VAT1L: variants seen among roughly 807,000 people sequenced by gnomAD.
VAT1L encodes the protein putative NADPH-dependent quinone oxidoreductase VAT1L.
A neutral mutation model predicts 44.1 loss-of-function variants in VAT1L; 34 were observed. The ratio of observed to expected loss-of-function variants is 0.77; its 90% confidence interval spans 0.59 to 1.03. The LOEUF (loss-of-function observed/expected upper bound fraction) is 1.03. Among genes scored for constraint, VAT1L ranks in the 50% least tolerant of loss-of-function variants. The pLI is 0.00. For synonymous variants in VAT1L, 253 were observed against 202.2 expected (o/e 1.25, Z -2.13); for missense variants, 615 against 538.8 (o/e 1.14, Z -1.40).
chr16:77,822,760 CTT>C (rs1555512853), intron 2 of VAT1L, among the ~76,000 whole-genome samples: 1 of 152,138 alleles, frequency 6.6e-6, no homozygotes, highest in African/African-American at 2.4e-5. Context: ...TTACTTGCCT[CTT>C]TTCTCAAAGC....
chr16:77,843,754 T>G (rs254769), intron 3 of VAT1L, among the ~76,000 whole-genome samples: 1 of 151,954 alleles, frequency 6.6e-6, no homozygotes, highest in Non-Finnish European at 1.5e-5. Flanking sequence ...AACTGGTCCC[T>G]GATAAAAACT....
chr16:77,816,779 C>CAAAAAAAAAAA, intron 1 of VAT1L, 142 bp from the exon 2 acceptor site: 1 of 1,133,430 alleles, frequency 8.8e-7, no homozygotes, highest in South Asian at 1.8e-5. Flanking sequence ...GATACTTTGC[C>CAAAAAAAAAAA]AAAAAGAAAA....
intron 7 of VAT1L, among the ~76,000 whole-genome samples, chr16:77,943,790 A>G (rs1471253657): frequency 6.6e-6 from 1 of 152,190 alleles, no homozygotes; most frequent in East Asian, 1.9e-4. Flanking sequence ...AATTTCTAGG[A>G]GCACAAGAGC....
chr16:77,812,177 A>G (rs2016276872), intron 1 of VAT1L, among the ~76,000 whole-genome samples: 1 of 149,744 alleles, frequency 6.7e-6, no homozygotes, highest in African/African-American at 2.5e-5. Flanking sequence ...AGTTTAAGCG[A>G]TTCTCCTGCC....
At chr16:77,864,932 C>T (rs1193982119) in intron 4 of VAT1L, among the ~76,000 whole-genome samples, 1 of 151,224 alleles carries the variant, frequency 6.6e-6, no homozygotes, top group Non-Finnish European at 1.5e-5. Flanking sequence ...CATCCATTTG[C>T]CCAGTTCCAT....
rs1323105763 is a variant in VAT1L, at chr16:77,879,400, C to G, written c.882+176C>G. Among the ~76,000 whole-genome samples, 1 of 152,216 alleles carries G rather than the reference C, an allele frequency of 6.6e-6. No individual in the cohort carries two copies. The highest frequency in any genetic ancestry group is 1.5e-5 in the Non-Finnish European group (1 of 68,052). On this transcript the variant is annotated intron_variant, in intron 6 of 8. Coordinates refer to ENST00000302536, the MANE Select transcript of VAT1L (RefSeq NM_020927.3). The surrounding 1 kb of genome is among the most constrained non-coding windows in gnomAD (Gnocchi z 4.1). ...CCGACTCCCTGGTTCAAGCGATTCT[C>G]CTGCCTCAGCCTCCCTAGTAGCTGG...
chr16:77,807,932 T>A (rs964051470), intron 1 of VAT1L, among the ~76,000 whole-genome samples: 1 of 152,178 alleles, frequency 6.6e-6, no homozygotes, highest in Non-Finnish European at 1.5e-5. Context: ...TGGGGAGAAC[T>A]TTCTGGAGGT....
chr16:77,932,478 G>T (rs997610260), intron 7 of VAT1L, among the ~76,000 whole-genome samples: 1 of 152,148 alleles, frequency 6.6e-6, no homozygotes, highest in African/African-American at 2.4e-5. Flanking sequence ...ACTTCTTGTT[G>T]ACAGAGTATA....
chr16:77,954,847 A>G (rs1346672695), intron 7 of VAT1L, among the ~76,000 whole-genome samples: 1 of 152,220 alleles, frequency 6.6e-6, no homozygotes, highest in South Asian at 2.1e-4. Flanking sequence ...CAGTCTCAAT[A>G]AAAGAGGCCT....
intron 5 of VAT1L, among the ~76,000 whole-genome samples, chr16:77,877,907 G>GTTT (rs763649689): frequency 6.6e-6 from 1 of 152,164 alleles, no homozygotes; most frequent in African/African-American, 2.4e-5. Flanking sequence ...TGGACGTGTG[G>GTTT]TTTATTATTA....
intron 7 of VAT1L, among the ~76,000 whole-genome samples, chr16:77,947,284 A>T (rs1272694447): frequency 1.3e-5 from 2 of 152,130 alleles, no homozygotes; most frequent in South Asian, 2.1e-4. Flanking sequence ...CTCAGATCTC[A>T]TGTCTCCTTG....
chr16:77,818,392 GTCTTT>G (rs56362762), intron 2 of VAT1L, among the ~76,000 whole-genome samples: 30,876 of 151,874 alleles, frequency 0.2, 3,488 homozygotes, highest in South Asian at 0.29. Flanking sequence ...CAGTAAATGA[GTCTTT>G]TCTTTTCTTT....
chr16:77,959,350 G>C (rs1290539214), intron 7 of VAT1L, among the ~76,000 whole-genome samples: 2 of 152,168 alleles, frequency 1.3e-5, no homozygotes, highest in Non-Finnish European at 2.9e-5. Flanking sequence ...AGAAATTCCA[G>C]ATCTCAAGCC....
At chr16:77,799,325 C>T (rs1044739363) in intron 1 of VAT1L, among the ~76,000 whole-genome samples, 35 of 150,658 alleles carry the variant, frequency 2.3e-4, no homozygotes, top group Non-Finnish European at 4.1e-4. Context: ...CGTCTTTCCC[C>T]TTTTCTCCCT....
chr16:77,904,449 CCTGGT>C (rs1329951655), intron 7 of VAT1L, among the ~76,000 whole-genome samples: 1 of 152,136 alleles, frequency 6.6e-6, no homozygotes, highest in Non-Finnish European at 1.5e-5. Flanking sequence ...TAATTTGGTT[CCTGGT>C]AAGGGCTGTC....
At chr16:77,911,254 A>C (rs904612501) in intron 7 of VAT1L, among the ~76,000 whole-genome samples, 1 of 152,212 alleles carries the variant, frequency 6.6e-6, no homozygotes, top group Non-Finnish European at 1.5e-5. Flanking sequence ...TACACATTGT[A>C]AGCAGCCAAG....
intron 1 of VAT1L, among the ~76,000 whole-genome samples, chr16:77,799,207 G>GTCC (rs1322530804): frequency 6.8e-6 from 1 of 147,902 alleles, no homozygotes; most frequent in Non-Finnish European, 1.5e-5. Flanking sequence ...TCCTCTCCCG[G>GTCC]TCCTCCTCCT....
chr16:77,819,163 G>C (rs2016406223), intron 2 of VAT1L, among the ~76,000 whole-genome samples: 1 of 152,078 alleles, frequency 6.6e-6, no homozygotes, highest in Non-Finnish European at 1.5e-5. Context: ...AGAGATCTGG[G>C]AGCAGCCAGC....
chr16:77,860,778 C>A (rs2016907368), intron 3 of VAT1L, among the ~76,000 whole-genome samples: 1 of 152,174 alleles, frequency 6.6e-6, no homozygotes, highest in African/African-American at 2.4e-5. Flanking sequence ...ATTCTTAGGA[C>A]AGAAAACTAT....
Sources: allele counts gnomAD v4.1 joint callset (sites outside exome capture counted in the v4.1 genomes callset), GRCh38; gene constraint gnomAD v4.1.1; non-coding constraint Gnocchi (gnomAD v3.1); transcripts MANE v1.5; gene names NCBI Gene and HGNC (gene_info 2026-07-23, HGNC 2026-07-21).